WNK2: variants seen among roughly 807,000 people sequenced by gnomAD.
WNK2 encodes the protein serine/threonine-protein kinase WNK2.
WNK2 carries 67 observed loss-of-function variants against 192.1 expected under a neutral mutation model. The observed-to-expected ratio is 0.35, with a 90% CI of 0.29 to 0.43. The LOEUF is 0.43. Ranked by LOEUF, WNK2 falls within the 20% of genes least tolerant of loss-of-function variation. The pLI is 1.00. For missense variants in WNK2, 2,698 were observed against 3,089.7 expected (o/e 0.87, Z 3.01); for synonymous variants, 1,439 against 1,393.9 (o/e 1.03, Z -0.72).
chr9:93,291,045 C>T (rs988939374), intron 21 of WNK2, among the ~76,000 whole-genome samples: 3 of 152,196 alleles, frequency 2.0e-5, no homozygotes, highest in Admixed American at 6.5e-5. Flanking sequence ...TATTTCTAGA[C>T]GCCAGACTTT....
intron 2 of WNK2, among the ~76,000 whole-genome samples, chr9:93,203,221 G>T (rs1246450177): frequency 6.6e-6 from 1 of 152,190 alleles, no homozygotes; most frequent in Non-Finnish European, 1.5e-5. Flanking sequence ...AGGACCTTGA[G>T]CTGCAATGAG....
chr9:93,263,842 C>T lies in WNK2; in HGVS notation c.3580-75C>T, dbSNP rs1313201644. On this transcript the variant is annotated intron_variant, in intron 15 of 29. Transcript: ENST00000427277. ...GTGGTGGGGGTGGGGGGGAGGGGTA[C>T]TTGGGGGTGTGTGGGGGTGTGGCGG... 1.6e-5 allele frequency: 11 copies of T among 676,252 alleles called. 1 individual carries two copies. Among genetic ancestry groups the T allele is most frequent in the Admixed American group, 1.0e-4 (3 of 29,280 alleles). The allele number at this position is 676,252 out of a possible 1,614,324, so 41.9% of individuals were successfully genotyped here.
chr9:93,234,864 G>A lies in WNK2; in HGVS notation c.1132G>A (p.Asp378Asn). ...MYEEHYDESV[D>N]VYAFGMCMLE... Reference sequence around the variant, plus strand: ...CGAGGAGCACTACGATGAGTCCGTGGACGTCTATGCCTTTGGGATGTGCAT... The same window carrying A: ...CGAGGAGCACTACGATGAGTCCGTGAACGTCTATGCCTTTGGGATGTGCAT... Residue 378 changes from aspartate (D) to asparagine (N), a missense_variant, in exon 5 of 30, where the codon GAC becomes AAC. Coordinates refer to ENST00000427277, the MANE Select transcript of WNK2 (RefSeq NM_006648.4). 6.2e-7 allele frequency: 1 copy of A among 1,614,218 alleles called. No homozygotes were observed. Among genetic ancestry groups the A allele is most frequent in the Non-Finnish European group, 8.5e-7 (1 of 1,180,028 alleles).
intron 20 of WNK2, 24 bp downstream of exon 20, chr9:93,289,644 GAC>G (rs1849000005): frequency 6.9e-7 from 1 of 1,441,018 alleles, no homozygotes; most frequent in Non-Finnish European, 9.1e-7. Context: ...TTGTCCCAGA[GAC>G]ACTGCCCTGG....
intron 25 of WNK2, 129 bp downstream of exon 25, chr9:93,299,390 T>A: frequency 1.1e-6 from 1 of 897,098 alleles, no homozygotes; most frequent in Non-Finnish European, 1.6e-6. Context: ...AGGCTTCTTT[T>A]AAAAAGGATA....
At chr9:93,240,038 A>G (rs1028788789) in intron 7 of WNK2, 62 bp downstream of exon 7, 6 of 1,529,432 alleles carry the variant, frequency 3.9e-6, no homozygotes, top group Non-Finnish European at 4.4e-6. Context: ...GTTTCCAAGG[A>G]TGAGAACAAA....
chr9:93,223,697 GCAGGAGCCTGCTGGCCCC>G (rs903970196), intron 2 of WNK2, among the ~76,000 whole-genome samples: 20 of 152,324 alleles, frequency 1.3e-4, no homozygotes, highest in African/African-American at 4.8e-4. Context: ...GAAAGGGCAG[GCAGGAGCCTGCTGGCCCC>G]CAGCTTGGGT....
In WNK2 at chr9:93,292,941, C is replaced by T; in HGVS notation, c.5476C>T (p.Leu1826=). The part of the protein sequence containing the change: ...ARPPVQKQAS[L]PVSGSVAGDF... ...ACCCCCGGTGCAGAAGCAGGCGTCC[C>T]TGCCCGTGAGTGGCAGCGTGGCTGG... Residue 1826 remains leucine, a synonymous_variant, in exon 23 of 30, where the codon CTG becomes TTG. Coordinates refer to ENST00000427277, the MANE Select transcript of WNK2 (RefSeq NM_006648.4). 6.5e-7 allele frequency: 1 copy of T among 1,532,620 alleles called. No homozygotes were observed. Among genetic ancestry groups the T allele is most frequent in the Non-Finnish European group, 8.8e-7 (1 of 1,140,496 alleles). 94.9% of individuals were successfully genotyped at this position (1,532,620 alleles called of 1,614,324 possible). A position where few individuals can be genotyped will look rare whatever the true frequency, so the allele number is the denominator to read the frequency against.
chr9:93,210,680 C>T (rs139132978), intron 2 of WNK2, among the ~76,000 whole-genome samples: 6 of 152,298 alleles, frequency 3.9e-5, no homozygotes, highest in Admixed American at 3.3e-4. Context: ...GCTCTTTGCC[C>T]TTCTAGGCCT....
At chr9:93,196,683 G>A (rs1831339874) in intron 2 of WNK2, among the ~76,000 whole-genome samples, 2 of 152,136 alleles carry the variant, frequency 1.3e-5, no homozygotes, top group African/African-American at 2.4e-5. Flanking sequence ...TGTTTGTGTG[G>A]CCAACTGTAA....
chr9:93,213,555 C>T (rs183114115), intron 2 of WNK2, among the ~76,000 whole-genome samples: 6 of 152,038 alleles, frequency 3.9e-5, no homozygotes, highest in South Asian at 2.1e-4. Context: ...TTTGGGAAGC[C>T]GAGACTGGTG....
At chr9:93,207,398 C>G (rs921207805) in intron 2 of WNK2, among the ~76,000 whole-genome samples, 1 of 152,202 alleles carries the variant, frequency 6.6e-6, no homozygotes, top group Non-Finnish European at 1.5e-5. Flanking sequence ...CAGCTCCCCA[C>G]CAGCTCCTGA....
At chr9:93,305,175 C>T (rs1192978734) in intron 26 of WNK2, among the ~76,000 whole-genome samples, 2 of 152,360 alleles carry the variant, frequency 1.3e-5, no homozygotes, top group East Asian at 3.9e-4. Context: ...GCCAGATAGA[C>T]ACAGAGCAGC....
At chr9:93,210,255 G>C (rs2131496811) in intron 2 of WNK2, among the ~76,000 whole-genome samples, 1 of 151,752 alleles carries the variant, frequency 6.6e-6, no homozygotes, top group South Asian at 2.1e-4. Flanking sequence ...GGGGTGTCGA[G>C]GGAGGTGGGG....
chr9:93,185,996 G>A lies in WNK2; in HGVS notation c.681+386G>A, dbSNP rs184945771. ...TGACCCAGGGAGTCTGGACTGTTGT[G>A]TCTTTGCAAAACAGTGTGGAGGCTT... is the stretch of plus-strand genomic sequence containing the variant. On this transcript the variant is annotated intron_variant, in intron 2 of 29. Coordinates refer to ENST00000427277, the MANE Select transcript of WNK2 (RefSeq NM_006648.4). 1.9e-3 allele frequency among the ~76,000 whole-genome samples: 284 copies of A among 152,304 alleles called. 1 individual carries two copies. Among genetic ancestry groups the A allele is most frequent in the Admixed American group, 6.4e-3 (98 of 15,302 alleles).
At chr9:93,240,745 G>A (rs1329927484) in intron 7 of WNK2, among the ~76,000 whole-genome samples, 3 of 152,150 alleles carry the variant, frequency 2.0e-5, no homozygotes, top group African/African-American at 4.8e-5. Flanking sequence ...GGTGCAGCAG[G>A]TGGGACAGAT....
intron 12 of WNK2, among the ~76,000 whole-genome samples, chr9:93,260,993 C>A (rs968210226): frequency 1.2e-4 from 19 of 152,172 alleles, no homozygotes; most frequent in African/African-American, 4.3e-4. Flanking sequence ...GCTGTCCCTG[C>A]TGTTTGGCTG....
chr9:93,310,908 G>GA (rs1273792491), intron 28 of WNK2, among the ~76,000 whole-genome samples: 1 of 152,176 alleles, frequency 6.6e-6, no homozygotes, highest in Non-Finnish European at 1.5e-5. Context: ...AGGCTGCAGT[G>GA]AACTATGATT....
chr9:93,224,515 C>T lies in WNK2; in HGVS notation c.682-5181C>T, dbSNP rs146542509. On this transcript the variant is annotated intron_variant, in intron 2 of 29. Transcript: ENST00000427277. ...TGGGACCAAGAATCTTCTGACCACC[C>T]TGGCTGTGTGACTCGTGCAGCCCTT... is the stretch of plus-strand genomic sequence containing the variant. 5.3e-3 allele frequency among the ~76,000 whole-genome samples: 811 copies of T among 152,350 alleles called. 7 individuals carry two copies. Among genetic ancestry groups the T allele is most frequent in the African/African-American group, 0.018 (762 of 41,580 alleles).
Sources: allele counts gnomAD v4.1 joint callset (sites outside exome capture counted in the v4.1 genomes callset), GRCh38; gene constraint gnomAD v4.1.1; transcripts MANE v1.5; gene names NCBI Gene and HGNC (gene_info 2026-07-23, HGNC 2026-07-21).